Variants in TMPRSS15 observed in about 807,000 individuals in gnomAD.
TMPRSS15 encodes enteropeptidase.
In TMPRSS15, 128 loss-of-function variants were observed where a neutral mutation model predicts 125.3. The observed-to-expected ratio is 1.02, with a 90% CI of 0.89 to 1.18. The LOEUF is 1.18. TMPRSS15 is among the 50% of genes most tolerant of loss of function. TMPRSS15 has a pLI of 0.00. For missense variants in TMPRSS15, 1,283 were observed against 1,212.7 expected (o/e 1.06, Z -0.86); for synonymous variants, 446 against 423.2 (o/e 1.05, Z -0.66).
chr21:18,417,572 A>G (rs191357914), intron 1 of TMPRSS15, among the ~76,000 whole-genome samples: 1 of 152,198 alleles, frequency 6.6e-6, no homozygotes, highest in Non-Finnish European at 1.5e-5. Flanking sequence ...TCTATGCTGA[A>G]CAAGATTTGG....
At chr21:18,354,491 T>C (rs910733969) in intron 8 of TMPRSS15, among the ~76,000 whole-genome samples, 2 of 151,768 alleles carry the variant, frequency 1.3e-5, no homozygotes, top group Admixed American at 1.3e-4. Flanking sequence ...CATATGATGC[T>C]TTACAAAATC....
At chr21:18,380,194 C>T (rs1188550799) in intron 4 of TMPRSS15, among the ~76,000 whole-genome samples, 3 of 151,546 alleles carry the variant, frequency 2.0e-5, no homozygotes, top group African/African-American at 7.3e-5. Flanking sequence ...CACACACACA[C>T]ACACACACAC....
At chr21:18,443,540 C>T (rs530526926) in intron 1 of TMPRSS15, among the ~76,000 whole-genome samples, 2 of 152,344 alleles carry the variant, frequency 1.3e-5, no homozygotes, top group African/African-American at 2.4e-5. Context: ...GGACATATTG[C>T]CGGGACAACT....
At chr21:18,364,275 G>T (rs188829646) in intron 7 of TMPRSS15, among the ~76,000 whole-genome samples, 9 of 152,130 alleles carry the variant, frequency 5.9e-5, no homozygotes, top group Non-Finnish European at 1.3e-4. Flanking sequence ...GCTATTAATA[G>T]AAATGAACTA....
At chr21:18,277,403 G>A (rs2074635195) in intron 23 of TMPRSS15, among the ~76,000 whole-genome samples, 1 of 152,096 alleles carries the variant, frequency 6.6e-6, no homozygotes, top group Admixed American at 6.5e-5. Context: ...CTACACTGTG[G>A]TCATAAAATG....
chr21:18,344,199 TAGACTCGAGCTC>T (rs1365762208), intron 10 of TMPRSS15, 139 bp from the exon 11 acceptor site: 1 of 737,994 alleles, frequency 1.4e-6, no homozygotes, highest in Non-Finnish European at 2.3e-6. Context: ...GACAGGACAC[TAGACTCGAGCTC>T]AGAAAGCAGT....
chr21:18,464,981 C>G (rs1978629438), intron 1 of TMPRSS15, among the ~76,000 whole-genome samples: 1 of 152,196 alleles, frequency 6.6e-6, no homozygotes, highest in South Asian at 2.1e-4. Context: ...AGGCCAATAT[C>G]CCTGATGAAC....
In TMPRSS15 at chr21:18,412,757, C is replaced by A. The variant is rs2076169258; in HGVS notation, c.11-14428G>T. On this transcript the variant is annotated intron_variant, in intron 1 of 7. Coordinates refer to the TMPRSS15 transcript ENST00000422787. Reference sequence around the variant, plus strand: ...GCTGCTGCTGCTGCTGAGTTGGGTCCATTAACATTAAAAATAAAATAACTC... The same window carrying A: ...GCTGCTGCTGCTGCTGAGTTGGGTCAATTAACATTAAAAATAAAATAACTC... 3.3e-5 allele frequency among the ~76,000 whole-genome samples: 5 copies of A among 152,040 alleles called. No homozygotes were observed. The South Asian group carries it at 1.0e-3, about 31-fold the overall frequency.
intron 1 of TMPRSS15, among the ~76,000 whole-genome samples, chr21:18,441,192 C>G (rs926289360): frequency 6.6e-6 from 1 of 152,100 alleles, no homozygotes; most frequent in Admixed American, 6.5e-5. Context: ...ACTCAGGAGG[C>G]TGAGACAGGA....
intron 1 of TMPRSS15, among the ~76,000 whole-genome samples, chr21:18,447,301 G>A (rs8131957): frequency 9.2e-4 from 139 of 151,846 alleles, no homozygotes; most frequent in African/African-American, 3.0e-3. Flanking sequence ...AAAGCCAGGC[G>A]TGGTGGTGGG....
chr21:18,471,113 T>A (rs532257432), intron 1 of TMPRSS15, among the ~76,000 whole-genome samples: 2 of 152,224 alleles, frequency 1.3e-5, no homozygotes, highest in East Asian at 1.9e-4. Context: ...GGACTCATTT[T>A]TTCTTGCCAA....
upstream of TMPRSS15, among the ~76,000 whole-genome samples, chr21:18,405,257 T>C (rs940381418): frequency 6.6e-6 from 1 of 152,224 alleles, no homozygotes; most frequent in African/African-American, 2.4e-5. Flanking sequence ...CCCAAAATAA[T>C]GCATTTAGTT....
intron 1 of TMPRSS15, among the ~76,000 whole-genome samples, chr21:18,422,086 C>T (rs970926695): frequency 1.6e-4 from 24 of 150,802 alleles, no homozygotes; most frequent in African/African-American, 5.1e-4. Flanking sequence ...CAGGTTCAAA[C>T]GATTCTTCTG....
chr21:18,318,178 G>C (rs888062850), intron 16 of TMPRSS15, among the ~76,000 whole-genome samples: 2 of 152,180 alleles, frequency 1.3e-5, no homozygotes, highest in Non-Finnish European at 2.9e-5. Flanking sequence ...ACAACTGCCT[G>C]GCAGGGAAGC....
intron 1 of TMPRSS15, among the ~76,000 whole-genome samples, chr21:18,423,924 ATCTTCT>A (rs1425629355): frequency 6.6e-6 from 1 of 152,148 alleles, no homozygotes; most frequent in African/African-American, 2.4e-5. Flanking sequence ...CCTTATCTTC[ATCTTCT>A]TTTTTTTCTT....
Position 18,419,220 on chromosome 21 carries a change from C to CTTTT in TMPRSS15, c.11-20895_11-20892dup, listed in dbSNP as rs540004490. Among the ~76,000 whole-genome samples, 83 of 108,616 alleles carry CTTTT rather than the reference C, an allele frequency of 7.6e-4. 2 individuals are homozygous for CTTTT. Among genetic ancestry groups the CTTTT allele is most frequent in the Middle Eastern group, 6.4e-3 (1 of 156 alleles). The allele number at this position is 108,616 out of a possible 152,430, so 71.3% of individuals were successfully genotyped here. Reference sequence around the variant, plus strand: ...TGATAAGCAATATGTGACATTTCCTCTTTTTTTTTTTTTTTTTTTTTTTGA... The same window carrying CTTTT: ...TGATAAGCAATATGTGACATTTCCTCTTTTTTTTTTTTTTTTTTTTTTTTTTTGA... On this transcript the variant is annotated intron_variant, in intron 1 of 7. Transcript: ENST00000422787.
chr21:18,421,810 A>C (rs2076192462), intron 1 of TMPRSS15, among the ~76,000 whole-genome samples: 1 of 152,158 alleles, frequency 6.6e-6, no homozygotes, highest in Admixed American at 6.5e-5. Flanking sequence ...TGGAGACTTT[A>C]AGTAAATTTT....
chr21:18,296,833 T>C (rs567207715), intron 19 of TMPRSS15, among the ~76,000 whole-genome samples: 1 of 152,310 alleles, frequency 6.6e-6, no homozygotes, highest in Non-Finnish European at 1.5e-5. Context: ...AACATTGATA[T>C]AAAACATTCA....
intron 21 of TMPRSS15, among the ~76,000 whole-genome samples, chr21:18,281,860 G>A (rs531808004): frequency 1.3e-5 from 2 of 152,204 alleles, no homozygotes; most frequent in South Asian, 4.1e-4. Context: ...CACTTTGGGA[G>A]GCCGAGGCGG....
Sources: gnomAD v4.1 joint callset for allele counts (sites outside exome capture counted in the v4.1 genomes callset) on GRCh38, gnomAD v4.1.1 for gene constraint, MANE v1.5 for transcripts, NCBI Gene and HGNC (gene_info 2026-07-23, HGNC 2026-07-21) for gene names.